Variants in MRAS observed in about 807,000 individuals in gnomAD.
MRAS encodes ras-related protein M-Ras.
Under a neutral mutation model 20.9 loss-of-function variants are expected in MRAS, and 4 were observed. The observed-to-expected ratio is 0.19, with a 90% confidence interval of 0.09 to 0.44. MRAS has a LOEUF of 0.44. Ranked by LOEUF, MRAS falls within the 20% of genes least tolerant of loss-of-function variation. The pLI, the probability that MRAS is intolerant of heterozygous loss-of-function variation, is 0.99. For synonymous variants in MRAS, 98 were observed against 102.9 expected, an observed-to-expected ratio of 0.95 and a Z score of 0.29; for missense variants, 154 against 277.5, an observed-to-expected ratio of 0.56 and a Z score of 3.16.
chr3:138,398,963 C>T (rs918514709), intron 4 of MRAS, among the ~76,000 whole-genome samples: 55 of 152,312 alleles, frequency 3.6e-4, no homozygotes, highest in African/African-American at 8.7e-4. Flanking sequence ...TGCCTTCCTG[C>T]CTCCCCTCTG....
At chr3:138,356,661 C>T (rs1393252968) in intron 1 of MRAS, among the ~76,000 whole-genome samples, 3 of 152,146 alleles carry the variant, frequency 2.0e-5, no homozygotes, top group East Asian at 1.9e-4. Flanking sequence ...ATCACTGTCC[C>T]GAAGACTTGG....
chr3:138,376,045 T>C (rs1263073901), intron 2 of MRAS, among the ~76,000 whole-genome samples: 1 of 152,198 alleles, frequency 6.6e-6, no homozygotes, highest in East Asian at 1.9e-4. Flanking sequence ...CACTGAATTA[T>C]ATACTTTTAA....
chr3:138,384,802 G>A (rs374430645), intron 2 of MRAS, among the ~76,000 whole-genome samples: 8 of 152,164 alleles, frequency 5.3e-5, no homozygotes, highest in Non-Finnish European at 2.9e-5. Flanking sequence ...ACCAGTCACT[G>A]TAGTAGGATA....
rs554949787 is a variant in MRAS at position 138,398,380 on chromosome 3, G to A, written c.348-89G>A. The A allele has an allele frequency of 4.8e-4, 507 of 1,064,658 alleles. 2 individuals carry two copies. Among genetic ancestry groups the A allele is most frequent in the Non-Finnish European group, 7.1e-4 (490 of 688,026 alleles). 66.0% of individuals were successfully genotyped at this position (1,064,658 alleles called of 1,614,324 possible). On this transcript the variant is annotated intron_variant, in intron 3 of 5. Coordinates refer to ENST00000423968, the MANE Select transcript of MRAS (RefSeq NM_001085049.3). ...ACTGGGGAGGTGCTGTGGGCTGGCT[G>A]TGCTATGCCTGAGATGTGAATGTGC...
intron 4 of MRAS, among the ~76,000 whole-genome samples, chr3:138,398,910 A>G (rs958387539): frequency 7.2e-5 from 11 of 152,196 alleles, no homozygotes; most frequent in Non-Finnish European, 2.9e-5. Flanking sequence ...GTAGGAGTAC[A>G]GGATGTGAAG....
chr3:138,393,381 T>C (rs570644510), intron 2 of MRAS, among the ~76,000 whole-genome samples: 180 of 149,822 alleles, frequency 1.2e-3, no homozygotes, highest in African/African-American at 3.6e-3. Flanking sequence ...TTAACTCTTA[T>C]GTTTTGCTGT....
At chr3:138,396,784 G>A (rs1024205919) in intron 2 of MRAS, among the ~76,000 whole-genome samples, 2 of 152,136 alleles carry the variant, frequency 1.3e-5, no homozygotes, top group Non-Finnish European at 2.9e-5. Flanking sequence ...CTTGGGGGCT[G>A]AGAAGCCCTT....
At chr3:138,357,110 A>T (rs893068034) in intron 1 of MRAS, among the ~76,000 whole-genome samples, 1 of 152,252 alleles carries the variant, frequency 6.6e-6, no homozygotes, top group Admixed American at 6.5e-5. Flanking sequence ...CAAAATAACC[A>T]TTCTAATAGA....
At chr3:138,357,801 G>A (rs1201985503) in intron 1 of MRAS, among the ~76,000 whole-genome samples, 1 of 152,154 alleles carries the variant, frequency 6.6e-6, no homozygotes, top group African/African-American at 2.4e-5. Context: ...GGAGTTGTCT[G>A]CAGCCCAGAT....
intron 2 of MRAS, among the ~76,000 whole-genome samples, chr3:138,381,873 G>A (rs1182614380): frequency 2.6e-5 from 4 of 152,216 alleles, no homozygotes; most frequent in African/African-American, 7.2e-5. Flanking sequence ...TGGGGACGAG[G>A]AGGAGAGGAG....
At chr3:138,349,136 C>T (rs1441247349) in intron 1 of MRAS, 1 of 151,772 alleles carries the variant, frequency 6.6e-6, no homozygotes, top group Non-Finnish European at 1.5e-5. Context: ...TCTTTACCCC[C>T]CCGCCTTAAG....
intron 2 of MRAS, among the ~76,000 whole-genome samples, chr3:138,388,830 G>A (rs974690560): frequency 3.9e-5 from 6 of 152,122 alleles, no homozygotes; most frequent in East Asian, 1.9e-4. Context: ...CTGTAGGGGT[G>A]TCATAAAAGT....
intron 5 of MRAS, among the ~76,000 whole-genome samples, chr3:138,401,206 G>A (rs2055353029): frequency 6.6e-6 from 1 of 152,148 alleles, no homozygotes; most frequent in Non-Finnish European, 1.5e-5. Context: ...CAGCCTCCTG[G>A]CTGCATCCGC....
At chr3:138,371,297 A>G (rs1023035721) in intron 1 of MRAS, among the ~76,000 whole-genome samples, 11 of 152,232 alleles carry the variant, frequency 7.2e-5, no homozygotes, top group African/African-American at 2.7e-4. Context: ...CTGTAGCCCC[A>G]TGCAAATCAG....
chr3:138,354,050 G>A (rs1407020476), intron 1 of MRAS, among the ~76,000 whole-genome samples: 4 of 152,202 alleles, frequency 2.6e-5, no homozygotes, highest in African/African-American at 9.7e-5. Context: ...AATCAGTGCA[G>A]TGGGCAAAGG....
chr3:138,366,225 A>G (rs2108510732), intron 1 of MRAS, among the ~76,000 whole-genome samples: 2 of 152,258 alleles, frequency 1.3e-5, no homozygotes, highest in African/African-American at 4.8e-5. Context: ...TTTCCTCCAC[A>G]TGGGTTGGGT....
At chr3:138,399,570 A>G (rs2108565875) in intron 4 of MRAS, among the ~76,000 whole-genome samples, 1 of 152,336 alleles carries the variant, frequency 6.6e-6, no homozygotes, top group Middle Eastern at 3.4e-3. Flanking sequence ...AGTGTTGATT[A>G]TTTTTCTTTC....
intron 5 of MRAS, 134 bp downstream of exon 5, chr3:138,400,747 C>G (rs2055342784): frequency 8.3e-6 from 6 of 720,330 alleles, no homozygotes; most frequent in Non-Finnish European, 1.4e-5. Flanking sequence ...TTTTGGATTT[C>G]TTGTCCCTCC....
At chr3:138,395,329 G>A (rs772788622) in intron 2 of MRAS, among the ~76,000 whole-genome samples, 27 of 152,072 alleles carry the variant, frequency 1.8e-4, no homozygotes, top group Non-Finnish European at 3.8e-4. Context: ...GAGCCACCGC[G>A]CCTGGCCAGA....
Sources: allele counts gnomAD v4.1 joint callset (sites outside exome capture counted in the v4.1 genomes callset), GRCh38; gene constraint gnomAD v4.1.1; transcripts MANE v1.5; gene names NCBI Gene and HGNC (gene_info 2026-07-23, HGNC 2026-07-21).